Variants in DPP10 observed in about 807,000 individuals in gnomAD.
The protein encoded by DPP10 is inactive dipeptidyl peptidase 10.
In DPP10, 33 loss-of-function variants were observed where a neutral mutation model predicts 120.9. That is an observed-to-expected ratio of 0.27 (90% CI 0.21 to 0.37). The LOEUF (loss-of-function observed/expected upper bound fraction) is 0.37, where lower values mean the gene tolerates loss of function less well. Among genes scored for constraint, DPP10 ranks in the 10% least tolerant of loss-of-function variants. The pLI is 1.00. For missense variants in DPP10, 816 were observed against 942.8 expected (o/e 0.87, Z 1.76); for synonymous variants, 337 against 326.1 (o/e 1.03, Z -0.36).
chr2:115,442,544 T>C (rs976262287), intron 3 of DPP10, among the ~76,000 whole-genome samples: 12 of 152,154 alleles, frequency 7.9e-5, no homozygotes, highest in Non-Finnish European at 1.3e-4. Flanking sequence ...AAGATCAAAA[T>C]AGTGCTTTCT....
At chr2:115,468,416 A>G in intron 3 of DPP10, 1 of 483,450 alleles carries the variant, frequency 2.1e-6, no homozygotes, top group East Asian at 5.7e-5. Context: ...CACAGCTTCT[A>G]GTGGTTAATA....
At chr2:115,567,324 C>A (rs1409483599) in intron 5 of DPP10, among the ~76,000 whole-genome samples, 1 of 152,110 alleles carries the variant, frequency 6.6e-6, no homozygotes, top group Non-Finnish European at 1.5e-5. Flanking sequence ...ATTCTTCTTT[C>A]CAATTCTCAC....
intron 21 of DPP10, among the ~76,000 whole-genome samples, chr2:115,822,252 C>T (rs1687888221): frequency 6.6e-6 from 1 of 151,954 alleles, no homozygotes; most frequent in African/African-American, 2.4e-5. Context: ...AAGCATGTTA[C>T]AACTGCAAAC....
chr2:114,923,483 T>C (rs1394302664), intron 1 of DPP10, among the ~76,000 whole-genome samples: 1 of 129,216 alleles, frequency 7.7e-6, no homozygotes, highest in Admixed American at 7.8e-5. Context: ...TTTTTTTTTT[T>C]TTTTTTTTTT....
At chr2:115,489,005 G>T (rs1018368854) in intron 3 of DPP10, among the ~76,000 whole-genome samples, 1 of 151,900 alleles carries the variant, frequency 6.6e-6, no homozygotes, top group African/African-American at 2.4e-5. Context: ...CAGTCTTTTA[G>T]TTACATTGCA....
intron 1 of DPP10, among the ~76,000 whole-genome samples, chr2:115,250,264 G>A (rs1304875286): frequency 6.6e-6 from 1 of 152,170 alleles, no homozygotes; most frequent in Non-Finnish European, 1.5e-5. Flanking sequence ...CAGTAAGACA[G>A]ACTCATTACC....
intron 5 of DPP10, among the ~76,000 whole-genome samples, chr2:115,580,769 C>A (rs1367783998): frequency 6.6e-6 from 1 of 152,184 alleles, no homozygotes; most frequent in African/African-American, 2.4e-5. Flanking sequence ...CTAATATTTT[C>A]TTTCCCCCTT....
chr2:114,531,700 G>A (rs927498699), intron 1 of DPP10, among the ~76,000 whole-genome samples: 1 of 151,856 alleles, frequency 6.6e-6, no homozygotes, highest in Non-Finnish European at 1.5e-5. Flanking sequence ...TAAAACGGAA[G>A]CAAATAGATC....
At chr2:115,443,248 T>G (rs2072245749) in intron 3 of DPP10, among the ~76,000 whole-genome samples, 1 of 152,146 alleles carries the variant, frequency 6.6e-6, no homozygotes, top group African/African-American at 2.4e-5. Context: ...TGCTTTCAAC[T>G]TTCAAGGCAG....
At chr2:115,392,377 A>G (rs2106547241) in intron 3 of DPP10, among the ~76,000 whole-genome samples, 1 of 152,298 alleles carries the variant, frequency 6.6e-6, no homozygotes, top group Non-Finnish European at 1.5e-5. Flanking sequence ...ATATTAATAG[A>G]AAACTCTCTA....
chr2:115,193,229 A>G (rs770076873), intron 1 of DPP10, among the ~76,000 whole-genome samples: 1 of 152,196 alleles, frequency 6.6e-6, no homozygotes, highest in Non-Finnish European at 1.5e-5. Context: ...TGTTGTAAAC[A>G]TCCCTTTTTT....
intron 5 of DPP10, among the ~76,000 whole-genome samples, chr2:115,672,413 T>C (rs1055926672): frequency 1.3e-5 from 2 of 152,144 alleles, no homozygotes; most frequent in African/African-American, 4.8e-5. Context: ...TCTAGATAGT[T>C]AGAACATAAC....
intron 1 of DPP10, among the ~76,000 whole-genome samples, chr2:115,061,961 C>T (rs1706444992): frequency 6.6e-6 from 1 of 150,926 alleles, no homozygotes. Context: ...TTTCCCTTGG[C>T]TATTCTTTTC....
intron 1 of DPP10, among the ~76,000 whole-genome samples, chr2:114,522,010 C>T (rs1235475062): frequency 5.8e-5 from 8 of 137,920 alleles, no homozygotes; most frequent in South Asian, 2.4e-4. Flanking sequence ...GACGGAGTCT[C>T]GCTCTGTCAC....
Position 114,970,131 on chromosome 2 carries a change from G to A in DPP10, c.61-339108G>A, listed in dbSNP as rs140925834. Among the ~76,000 whole-genome samples the A allele has an allele frequency of 3.3e-3, 495 of 152,176 alleles. 4 individuals carry two copies. The highest frequency in any genetic ancestry group is 0.011 in the African/African-American group (475 of 41,540). On this transcript the variant is annotated intron_variant, in intron 1 of 25. Coordinates refer to ENST00000410059, the MANE Select transcript of DPP10 (RefSeq NM_020868.6). ...AACTTGGACAGCGATCAAGGCAGAG[G>A]ATGGCCAAGCTTAGCCTGGAGCATG...
chr2:114,954,080 C>CTCT (rs1698009899), intron 1 of DPP10, among the ~76,000 whole-genome samples: 3 of 122,078 alleles, frequency 2.5e-5, no homozygotes, highest in African/African-American at 9.2e-5. Flanking sequence ...TTAAGAAGTC[C>CTCT]TTTTTTTTTT....
chr2:114,611,894 A>G (rs1400064692), intron 1 of DPP10, among the ~76,000 whole-genome samples: 1 of 152,182 alleles, frequency 6.6e-6, no homozygotes, highest in South Asian at 2.1e-4. Flanking sequence ...AAAGTCATTA[A>G]AAATTTACTC....
chr2:115,466,361 A>G (rs559328966), intron 3 of DPP10, among the ~76,000 whole-genome samples: 2 of 152,314 alleles, frequency 1.3e-5, no homozygotes, highest in Admixed American at 1.3e-4. Context: ...TCAGAACACA[A>G]TTTGAGAAAT....
intron 3 of DPP10, among the ~76,000 whole-genome samples, chr2:115,384,446 GAAGAAGAAGA>G (rs1191256398): frequency 8.5e-6 from 1 of 117,506 alleles, no homozygotes; most frequent in African/African-American, 3.0e-5. Context: ...AGAAGAGGAG[GAAGAAGAAGA>G]AGGAAGAAGA....
Sources: gnomAD v4.1 joint callset for allele counts (sites outside exome capture counted in the v4.1 genomes callset) on GRCh38, gnomAD v4.1.1 for gene constraint, MANE v1.5 for transcripts, NCBI Gene and HGNC (gene_info 2026-07-23, HGNC 2026-07-21) for gene names.